The following HPS3 variants were observed in gnomAD, a reference collection of about 807,000 sequenced individuals.
HPS3 encodes HPS3 biogenesis of lysosomal organelles complex 2 subunit 1.
Under a neutral mutation model 110.9 loss-of-function variants are expected in HPS3, and 79 were observed. That is an observed-to-expected ratio of 0.71 (90% CI 0.59 to 0.86). HPS3 has a LOEUF of 0.86. Ranked by LOEUF, HPS3 falls within the 40% of genes least tolerant of loss-of-function variation. HPS3 has a pLI of 0.00. For missense variants in HPS3, 1,197 were observed against 1,206.2 expected (o/e 0.99, Z 0.11); for synonymous variants, 428 against 451.0 (o/e 0.95, Z 0.65).
At position 149,140,179 on chromosome 3, in the gene HPS3, G is replaced by T. The variant is rs755170109; in HGVS notation, c.393G>T (p.Pro131=). ...ACCAGATGTACATTATTGAAATGCC[G>T]CTTTCGGAGGCCCCCTTGTGCATTT... is the stretch of plus-strand genomic sequence containing the variant. The part of the protein sequence containing the change: ...FRDQMYIIEM[P]LSEAPLCISC... Residue 131 remains proline, a synonymous_variant, in exon 2 of 17, where the codon CCG becomes CCT. Transcript: ENST00000296051. 1 of 1,614,164 alleles carries T rather than the reference G, an allele frequency of 6.2e-7. No homozygotes were observed. Among genetic ancestry groups the T allele is most frequent in the South Asian group, 1.1e-5 (1 of 91,076 alleles).
intron 1 of HPS3, among the ~76,000 whole-genome samples, chr3:149,135,200 G>T (rs1722015240): frequency 6.6e-6 from 1 of 152,198 alleles, no homozygotes; most frequent in African/African-American, 2.4e-5. Flanking sequence ...AATAAAATTT[G>T]GGGGTATTAG....
At chr3:149,168,047 T>C in intron 16 of HPS3, 64 bp downstream of exon 16, 6 of 953,702 alleles carry the variant, frequency 6.3e-6, no homozygotes, top group Non-Finnish European at 8.5e-6. Flanking sequence ...TGGTGAAGCC[T>C]TCTTAAGTAT....
intron 10 of HPS3, 93 bp downstream of exon 10, chr3:149,158,939 A>C: frequency 1.1e-6 from 1 of 880,584 alleles, no homozygotes. Flanking sequence ...CAGATTCCAA[A>C]TATTTTTCTT....
rs1447446963 is a variant in HPS3, at chr3:149,140,317, T to C, written c.531T>C (p.Arg177=). 6.2e-7 allele frequency: 1 copy of C among 1,613,834 alleles called. No individual in the cohort carries two copies. Among genetic ancestry groups the C allele is most frequent in the South Asian group, 1.1e-5 (1 of 91,058 alleles). Residue 177 remains arginine, a synonymous_variant, in exon 2 of 17, where the codon CGT becomes CGC. Coordinates refer to ENST00000296051, the MANE Select transcript of HPS3 (RefSeq NM_032383.5). ...AATTCTCACTATTGGACTTTGAACG[T>C]TCTTTAATTATACACATAGATAATA... The part of the protein sequence containing the change: ...NEEFSLLDFE[R]SLIIHIDNIT...
chr3:149,165,539 C>G (rs970566064), intron 14 of HPS3, among the ~76,000 whole-genome samples: 1 of 151,762 alleles, frequency 6.6e-6, no homozygotes, highest in Admixed American at 6.6e-5. Context: ...AGTGCAGTGG[C>G]AGTCATGGCT....
intron 16 of HPS3, among the ~76,000 whole-genome samples, chr3:149,171,698 CTTT>C (rs1170000443): frequency 1.7e-5 from 2 of 118,260 alleles, no homozygotes; most frequent in Non-Finnish European, 1.7e-5. Flanking sequence ...GAACTGGCTT[CTTT>C]TTTTTTTTTT....
chr3:149,169,875 C>T (rs1384600060), intron 16 of HPS3, among the ~76,000 whole-genome samples: 3 of 152,074 alleles, frequency 2.0e-5, no homozygotes, highest in African/African-American at 4.8e-5. Flanking sequence ...AATTTTCAAC[C>T]TTTGACAAAT....
At chr3:149,134,362 A>ATG (rs746902154) in intron 1 of HPS3, among the ~76,000 whole-genome samples, 76 of 151,684 alleles carry the variant, frequency 5.0e-4, no homozygotes, top group Non-Finnish European at 8.4e-4. Flanking sequence ...CAACTTTTAT[A>ATG]TGTGTGTGTG....
Position 149,163,884 on chromosome 3 carries a change from C to T in HPS3, c.2524C>T (p.His842Tyr), listed in dbSNP as rs776346762. Residue 842 changes from histidine to tyrosine, a missense_variant, in exon 14 of 17, where the codon CAC becomes TAC. His to Tyr is a moderately conservative substitution (Grantham distance 83). Coordinates refer to ENST00000296051, the MANE Select transcript of HPS3 (RefSeq NM_032383.5). ...SHYGLIYPWV[H>Y]VVISSDSLAD... is the part of the protein sequence containing the mutation. Reference sequence around the variant, plus strand: ...TTATGGCTTAATTTATCCATGGGTTCACGTCGTAATATCATCTGATTCTTT... The same window carrying T: ...TTATGGCTTAATTTATCCATGGGTTTACGTCGTAATATCATCTGATTCTTT... 23 of 1,585,284 alleles carry T rather than the reference C, an allele frequency of 1.5e-5. No individual in the cohort carries two copies. In the East Asian group the frequency reaches 4.9e-4, roughly 34 times the overall value.
Position 149,172,407 on chromosome 3 carries a change from T to A in HPS3, c.*185T>A, listed in dbSNP as rs1340383224. On this transcript the variant is annotated 3_prime_UTR_variant, in exon 17 of 17. Transcript: ENST00000296051. ...GCTTACCTTACCGTGTAGTGGTAACTATTCACTTCTTAATTTATGACCTCA... is the reference window on the plus strand; with the variant it reads ...GCTTACCTTACCGTGTAGTGGTAACAATTCACTTCTTAATTTATGACCTCA... 2 of 534,048 alleles carry A rather than the reference T, an allele frequency of 3.7e-6. No homozygotes were observed. Among genetic ancestry groups the A allele is most frequent in the African/African-American group, 3.8e-5 (2 of 52,054 alleles). 33.1% of individuals were successfully genotyped at this position (534,048 alleles called of 1,614,324 possible).
In HPS3 at chr3:149,162,978, T is replaced by C. The variant is rs1242553461; in HGVS notation, c.2481+100T>C. 30 of 1,023,008 alleles carry C rather than the reference T, an allele frequency of 2.9e-5. 1 individual carries two copies. The highest frequency in any genetic ancestry group is 2.3e-4 in the Admixed American group (12 of 51,806). 63.4% of individuals were successfully genotyped at this position (1,023,008 alleles called of 1,614,324 possible). On this transcript the variant is annotated intron_variant, in intron 13 of 16. Transcript: ENST00000296051. The stretch of plus-strand genomic sequence containing the variant: ...CTTATTATAAAATCTAACCTAGTTT[T>C]CTATTACCAGGTATCTTATTTATGC...
In HPS3 at chr3:149,140,284, T is replaced by G. The variant is rs866117577; in HGVS notation, c.498T>G (p.Ile166Met). Residue 166 changes from isoleucine (I) to methionine (M), a missense_variant, in exon 2 of 17, where the codon ATT (isoleucine) becomes ATG (methionine). Transcript: ENST00000296051. ...LVLFSLKYQI[I>M]NEEFSLLDFE... Reference sequence around the variant, plus strand: ...TATTTAGTTTGAAGTACCAGATCATTAATGAGGAATTCTCACTATTGGACT... The same window carrying G: ...TATTTAGTTTGAAGTACCAGATCATGAATGAGGAATTCTCACTATTGGACT... 12 of 1,614,014 alleles carry G rather than the reference T, an allele frequency of 7.4e-6. No homozygotes were observed. In the Middle Eastern group the frequency reaches 2.0e-3, roughly 266 times the overall value.
chr3:149,129,745 C>T lies in HPS3; in HGVS notation c.22C>T (p.His8Tyr), dbSNP rs1190812943. ...CGGGATGGTGCAGCTGTACAACCTG[C>T]ACCCGTTCGGGTCGCAGCAGGTGGT... is the stretch of plus-strand genomic sequence containing the variant. MVQLYNL[H>Y]PFGSQQVVPC... Residue 8 changes from histidine to tyrosine, a missense_variant, in exon 1 of 17, where the codon CAC (histidine) becomes TAC (tyrosine). Transcript: ENST00000296051. 1.9e-6 allele frequency: 3 copies of T among 1,604,678 alleles called. No individual in the cohort carries two copies. The Admixed American group carries it at 5.0e-5, about 27-fold the overall frequency.
chr3:149,145,286 A>G (rs539727893), intron 4 of HPS3, 68 bp from the exon 5 acceptor site: 10 of 1,228,802 alleles, frequency 8.1e-6, no homozygotes, highest in South Asian at 1.2e-5. Context: ...AGCAAAGTCA[A>G]TATATGATTA....
At chr3:149,147,526 G>C (rs1404316032) in intron 5 of HPS3, among the ~76,000 whole-genome samples, 1 of 152,154 alleles carries the variant, frequency 6.6e-6, no homozygotes, top group African/African-American at 2.4e-5. Context: ...ACTAATTTCT[G>C]TCCCATCATA....
chr3:149,144,466 C>G (rs1722671055), intron 4 of HPS3, among the ~76,000 whole-genome samples: 2 of 152,318 alleles, frequency 1.3e-5, no homozygotes, highest in South Asian at 4.1e-4. Context: ...TAAAAAACTT[C>G]TGTAATTCAT....
chr3:149,153,569 T>G lies in HPS3; in HGVS notation c.1321T>G (p.Phe441Val). Residue 441 changes from phenylalanine to valine, a missense_variant, in exon 7 of 17, where the codon TTT (phenylalanine) becomes GTT (valine). By Grantham distance (50) the Phe-to-Val change is conservative. Transcript: ENST00000296051. ...CATAGGCTTGAAAGCCATCTGTCACTTTAAAAACCACATCATACTTTTGAC... is the reference window on the plus strand; with the variant it reads ...CATAGGCTTGAAAGCCATCTGTCACGTTAAAAACCACATCATACTTTTGAC... ...LFIGLKAICH[F>V]KNHIILLTKA... 12 of 1,614,152 alleles carry G rather than the reference T, an allele frequency of 7.4e-6. No individual in the cohort carries two copies. The highest frequency in any genetic ancestry group is 1.0e-5 in the Non-Finnish European group (12 of 1,179,960).
At chr3:149,151,587 T>TTAAAAAA (rs1723115835) in intron 6 of HPS3, among the ~76,000 whole-genome samples, 2 of 40,300 alleles carry the variant, frequency 5.0e-5, no homozygotes, top group African/African-American at 8.0e-5. Flanking sequence ...GCTTGGTTTC[T>TTAAAAAA]AAAAAAAAAA....
intron 1 of HPS3, among the ~76,000 whole-genome samples, chr3:149,132,919 A>G (rs1721861980): frequency 6.6e-6 from 1 of 152,226 alleles, no homozygotes. Flanking sequence ...AAATAACAGT[A>G]GATGTAGTGG....
Sources: allele counts gnomAD v4.1 joint callset (sites outside exome capture counted in the v4.1 genomes callset), GRCh38; gene constraint gnomAD v4.1.1; transcripts MANE v1.5; gene names NCBI Gene and HGNC (gene_info 2026-07-23, HGNC 2026-07-21).